LTBP1: variants seen among roughly 807,000 people sequenced by gnomAD.
The protein encoded by LTBP1 is latent transforming growth factor beta binding protein 1.
A neutral mutation model predicts 207.6 loss-of-function variants in LTBP1; 129 were observed. That is an observed-to-expected ratio of 0.62 (90% confidence interval 0.54 to 0.72). The LOEUF is 0.72. Among genes scored for constraint, LTBP1 ranks in the 30% least tolerant of loss-of-function variants. The pLI is 0.00. For synonymous variants in LTBP1, 963 were observed against 833.7 expected, an observed-to-expected ratio of 1.16 and a Z score of -2.67; for missense variants, 2,281 against 2,217.2, an observed-to-expected ratio of 1.03 and a Z score of -0.58.
intron 3 of LTBP1, among the ~76,000 whole-genome samples, chr2:33,025,057 G>A (rs1010225648): frequency 2.0e-5 from 3 of 152,200 alleles, no homozygotes; most frequent in African/African-American, 7.2e-5. Flanking sequence ...AGCAGCCTGA[G>A]TGTCCTCACA....
intron 3 of LTBP1, among the ~76,000 whole-genome samples, chr2:33,048,957 A>G (rs556718220): frequency 5.3e-5 from 8 of 152,326 alleles, no homozygotes; most frequent in African/African-American, 1.9e-4. Context: ...ATATTTAGCT[A>G]TGAGTGGTCT....
chr2:33,241,368 C>T (rs998930160), intron 9 of LTBP1, among the ~76,000 whole-genome samples: 6 of 152,152 alleles, frequency 3.9e-5, no homozygotes, highest in South Asian at 2.1e-4. Flanking sequence ...TGTTTTCTTC[C>T]GTCTGAATTC....
chr2:33,308,596 C>T (rs988855554), intron 22 of LTBP1, among the ~76,000 whole-genome samples: 4 of 152,132 alleles, frequency 2.6e-5, no homozygotes, highest in African/African-American at 9.7e-5. Context: ...CATATGACCC[C>T]TAAAGTTGAT....
intron 4 of LTBP1, among the ~76,000 whole-genome samples, chr2:33,124,278 T>TAC (rs750068003): frequency 3.3e-5 from 5 of 152,126 alleles, no homozygotes; most frequent in Admixed American, 6.5e-5. Context: ...GGCATGGTGC[T>TAC]ACATGTCTGT....
chr2:33,282,920 G>A (rs1396442397), intron 19 of LTBP1, among the ~76,000 whole-genome samples: 5 of 152,012 alleles, frequency 3.3e-5, no homozygotes, highest in African/African-American at 1.2e-4. Context: ...AAAATTAGCT[G>A]GGTGTGGTGG....
intron 3 of LTBP1, among the ~76,000 whole-genome samples, chr2:33,055,087 C>G (rs186263403): frequency 6.6e-6 from 1 of 152,258 alleles, no homozygotes; most frequent in African/African-American, 2.4e-5. Context: ...AAGGCTGCAG[C>G]CTTTCTCTGA....
intron 5 of LTBP1, among the ~76,000 whole-genome samples, chr2:33,174,225 T>G (rs1382865618): frequency 1.6e-4 from 23 of 147,520 alleles, no homozygotes; most frequent in African/African-American, 2.2e-4. Flanking sequence ...TGTCCCTGTT[T>G]GCAGATGACA....
chr2:32,947,444 CGG>C lies in LTBP1; in HGVS notation c.121_122del (p.Gly41ArgfsTer113). 1 of 1,443,300 alleles carries C rather than the reference CGG, an allele frequency of 6.9e-7. No homozygotes were observed. The highest frequency in any genetic ancestry group is 9.1e-7 in the Non-Finnish European group (1 of 1,100,760). The allele number at this position is 1,443,300 out of a possible 1,614,324, so 89.4% of individuals were successfully genotyped here. ...TGCACCCGGGCCCCGGCCTGGCAGC[CGG>C]CGCCTTGCCCCTGAGCGGGCCCCCG... ...VVHPGPGLAAGALPLSGPPRS... is the reference protein window; with the variant it reads ...VVHPGPGLAAXALPLSGPPRS... On this transcript the variant is annotated frameshift_variant, in exon 1 of 34. Transcript: ENST00000404816. LOFTEE classifies it high-confidence loss of function.
intron 7 of LTBP1, among the ~76,000 whole-genome samples, chr2:33,213,564 T>TACCTCTA (rs1189115780): frequency 2.6e-5 from 4 of 152,354 alleles, no homozygotes; most frequent in African/African-American, 9.6e-5. Context: ...GAGAAGATCT[T>TACCTCTA]TCCTCTACCT....
intron 3 of LTBP1, among the ~76,000 whole-genome samples, chr2:33,060,243 G>A (rs146739191): frequency 6.6e-6 from 1 of 152,288 alleles, no homozygotes; most frequent in African/African-American, 2.4e-5. Context: ...TTAGAAGTGG[G>A]TTGAGAGGAA....
intron 3 of LTBP1, among the ~76,000 whole-genome samples, chr2:33,088,313 A>T (rs112519886): frequency 6.6e-6 from 1 of 152,078 alleles, no homozygotes; most frequent in Non-Finnish European, 1.5e-5. Flanking sequence ...TTAGCTAGGC[A>T]TGGTGGCGCG....
intron 12 of LTBP1, among the ~76,000 whole-genome samples, chr2:33,259,143 T>C (rs3769531): frequency 0.22 from 33,543 of 152,226 alleles, 4,523 homozygotes; most frequent in Non-Finnish European, 0.3. Context: ...TGTCTCTTAC[T>C]GAAATAAGTG....
intron 5 of LTBP1, among the ~76,000 whole-genome samples, chr2:33,140,928 C>A (rs2150753987): frequency 6.6e-6 from 1 of 152,264 alleles, no homozygotes; most frequent in South Asian, 2.1e-4. Context: ...CTCAGCCTCC[C>A]AAAGGGATTA....
chr2:32,949,014 T>A (rs954987907), intron 2 of LTBP1, 69 bp downstream of exon 2: 59 of 1,467,516 alleles, frequency 4.0e-5, no homozygotes, highest in Middle Eastern at 3.6e-4. Context: ...CATGGGGGCA[T>A]CTCACAAGGG....
rs1338040573 is a variant in LTBP1, at chr2:32,947,524, C to T, written c.200C>T (p.Ala67Val). The T allele has an allele frequency of 7.1e-7, 1 of 1,399,444 alleles. No individual in the cohort carries two copies. The highest frequency in any genetic ancestry group is 9.3e-7 in the Non-Finnish European group (1 of 1,078,324). The allele number at this position is 1,399,444 out of a possible 1,614,324, so 86.7% of individuals were successfully genotyped here. Residue 67 changes from alanine (A) to valine (V), a missense_variant, in exon 1 of 34, where the codon GCG (alanine) becomes GTG (valine). By Grantham distance (64) the Ala-to-Val change is moderately conservative. Around this residue, in one of 3 missense-constraint regions of LTBP1, gnomAD observed 555 missense variants for 491.0 expected, o/e 1.13. Coordinates refer to ENST00000404816, the MANE Select transcript of LTBP1 (RefSeq NM_206943.4). ...AACGCCAGGTACAGCCGCAGCTCGG[C>T]GGCTGCCGGCGCCCCCAGCCGTGCC... is the stretch of plus-strand genomic sequence containing the variant. ...ALNARYSRSS[A>V]AAGAPSRASP...
At chr2:33,397,078 A>T in intron 32 of LTBP1, 55 bp from the exon 33 acceptor site, 1 of 1,541,812 alleles carries the variant, frequency 6.5e-7, no homozygotes, top group South Asian at 1.2e-5. Flanking sequence ...ATCATTTACA[A>T]AATGATATAG....
intron 3 of LTBP1, among the ~76,000 whole-genome samples, chr2:33,087,600 C>T (rs1243077552): frequency 6.6e-6 from 1 of 152,192 alleles, no homozygotes; most frequent in Non-Finnish European, 1.5e-5. Context: ...CTTCAGATCA[C>T]TTACCACTCC....
intron 9 of LTBP1, among the ~76,000 whole-genome samples, chr2:33,223,854 G>A (rs1332524756): frequency 6.6e-6 from 1 of 152,166 alleles, no homozygotes; most frequent in Non-Finnish European, 1.5e-5. Flanking sequence ...ACAGACTGAA[G>A]AGAAATATTA....
At chr2:33,102,926 T>C (rs1219587511) in intron 3 of LTBP1, among the ~76,000 whole-genome samples, 1 of 152,014 alleles carries the variant, frequency 6.6e-6, no homozygotes, top group African/African-American at 2.4e-5. Flanking sequence ...GTATGCACAG[T>C]CTGTATGCTG....
Sources: allele counts gnomAD v4.1 joint callset (sites outside exome capture counted in the v4.1 genomes callset), GRCh38; gene constraint gnomAD v4.1.1; regional missense constraint gnomAD v4.1.1; transcripts MANE v1.5; gene names NCBI Gene and HGNC (gene_info 2026-07-23, HGNC 2026-07-21).